F5: variants seen among roughly 807,000 people sequenced by gnomAD.
F5 encodes activated protein c cofactor.
In F5, 138 loss-of-function variants were observed where a neutral mutation model predicts 216.4. That is an observed-to-expected ratio of 0.64 (90% CI 0.56 to 0.73). The LOEUF (loss-of-function observed/expected upper bound fraction) is 0.73. F5 is among the 30% of genes least tolerant of loss of function. The probability of loss-of-function intolerance (pLI) is 0.00; values close to 1 mark genes in which losing one functional copy is unlikely to be tolerated. For synonymous variants in F5, 916 were observed against 930.7 expected, an observed-to-expected ratio of 0.98 and a Z score of 0.29; for missense variants, 2,403 against 2,674.0, an observed-to-expected ratio of 0.90 and a Z score of 2.24.
intron 2 of F5, 114 bp from the exon 3 acceptor site, chr1:169,572,457 T>G: frequency 7.8e-7 from 1 of 1,286,458 alleles, no homozygotes. Context: ...TTCCTCCTGG[T>G]CCTGAGGCTG....
At position 169,525,891 on chromosome 1, in the gene F5, C is replaced by T. The variant is rs535193296; in HGVS notation, c.5716+10G>A. 149 of 1,590,216 alleles carry T rather than the reference C, an allele frequency of 9.4e-5. No homozygotes were observed. Among genetic ancestry groups the T allele is most frequent in the Non-Finnish European group, 1.3e-4 (146 of 1,158,820 alleles). ...CTGCCAAACCAAATATCACATGGCTCTTGTGATACCTCTGTCCATGATAAG... is the reference window on the plus strand; with the variant it reads ...CTGCCAAACCAAATATCACATGGCTTTTGTGATACCTCTGTCCATGATAAG... On this transcript the variant is annotated intron_variant, in intron 18 of 24. Coordinates refer to ENST00000367797, the MANE Select transcript of F5 (RefSeq NM_000130.5).
At chr1:169,548,710 A>T (rs1660075501) in intron 10 of F5, among the ~76,000 whole-genome samples, 2 of 151,940 alleles carry the variant, frequency 1.3e-5, no homozygotes, top group Non-Finnish European at 2.9e-5. Flanking sequence ...TCTACTAAAA[A>T]ATACAAAAAT....
chr1:169,529,587 A>T, intron 16 of F5, 21 bp downstream of exon 16: 1 of 1,603,878 alleles, frequency 6.2e-7, no homozygotes, highest in Non-Finnish European at 8.5e-7. Flanking sequence ...AGGAGATTAG[A>T]TCAAAGTCTG....
At chr1:169,560,831 A>C in intron 3 of F5, 65 bp from the exon 4 acceptor site, 15 of 1,427,618 alleles carry the variant, frequency 1.1e-5, no homozygotes, top group Non-Finnish European at 1.4e-5. Context: ...CACCACTCTC[A>C]AATCTGGGGA....
intron 9 of F5, among the ~76,000 whole-genome samples, chr1:169,550,274 T>TCC (rs1235896638): frequency 3.0e-3 from 107 of 36,242 alleles, no homozygotes; most frequent in Middle Eastern, 0.022. Context: ...ATGCTATCCC[T>TCC]CCCCCCGCCC....
chr1:169,552,091 T>C (rs190643446), intron 8 of F5, among the ~76,000 whole-genome samples: 50 of 152,380 alleles, frequency 3.3e-4, no homozygotes, highest in Admixed American at 2.7e-3. Context: ...GGATGCCATC[T>C]ACTGTATCAC....
intron 14 of F5, among the ~76,000 whole-genome samples, 200 bp downstream of exon 14, chr1:169,536,306 T>C (rs1277703403): frequency 6.8e-6 from 1 of 146,906 alleles, no homozygotes; most frequent in East Asian, 2.0e-4. Flanking sequence ...TTTCAGCATT[T>C]AAAAAATGAG....
At chr1:169,562,045 A>G (rs1214169345) in intron 3 of F5, among the ~76,000 whole-genome samples, 2 of 151,266 alleles carry the variant, frequency 1.3e-5, no homozygotes, top group African/African-American at 4.9e-5. Context: ...TCATTGAGGT[A>G]TAATTTGCAT....
chr1:169,530,079 G>T (rs1659555849), intron 15 of F5, among the ~76,000 whole-genome samples: 1 of 152,084 alleles, frequency 6.6e-6, no homozygotes. Context: ...TATTTATTGA[G>T]AATCTATTAC....
intron 23 of F5, 189 bp from the exon 24 acceptor site, chr1:169,515,815 T>G (rs1659144590): frequency 1.6e-6 from 1 of 607,410 alleles, no homozygotes; most frequent in Admixed American, 2.9e-5. Context: ...AAATTTTTAT[T>G]GAAGTATTTC....
Position 169,512,031 on chromosome 1 carries a change from T to TATTATTGATCCCCAAACAA in F5, c.*2263_*2281dup, listed in dbSNP as rs1659037765. On this transcript the variant is annotated 3_prime_UTR_variant, in exon 25 of 25. Transcript: ENST00000367797. ...ACAGCATTAGATAATAGCCCAAACA[T>TATTATTGATCCCCAAACAA]ATTATTGATCCCCAAACAAGTATTT... 6.6e-6 allele frequency among the ~76,000 whole-genome samples: 1 copy of TATTATTGATCCCCAAACAA among 152,054 alleles called. No individual in the cohort carries two copies. The highest frequency in any genetic ancestry group is 1.5e-5 in the Non-Finnish European group (1 of 67,984).
chr1:169,557,445 A>T (rs1476081058), intron 5 of F5, among the ~76,000 whole-genome samples: 1 of 152,132 alleles, frequency 6.6e-6, no homozygotes, highest in Non-Finnish European at 1.5e-5. Context: ...TTACTTTTTG[A>T]TTGTTTTAAT....
rs764597258 is a variant in F5 at position 169,543,000 on chromosome 1, T to C, written c.2090A>G (p.Glu697Gly). ...DDDEDSYEIF[E>G]PPESTVMATR... ...AGCCATGACTGTAGATTCTGGAGGT[T>C]CAAAAATCTCATATGAGTCTTCATC... The change falls in exon 13 of 25, where the codon GAA becomes GGA. Residue 697 changes from glutamate (E) to glycine (G), a missense_variant. By Grantham distance (98) the Glu-to-Gly change is moderately conservative. Transcript: ENST00000367797. The C allele has an allele frequency of 1.9e-6, 3 of 1,614,082 alleles. No individual in the cohort carries two copies. The highest frequency in any genetic ancestry group is 2.5e-6 in the Non-Finnish European group (3 of 1,179,980).
chr1:169,526,013 T>C lies in F5; in HGVS notation c.5604A>G (p.Ser1868=). ...ATGCCTTCATTTCAAGAGTTTTAAA[T>C]GAACCTAAAATAAAAAGAACAACAT... ...QLGVWPLLPG[S]FKTLEMKASK... The change falls in exon 18 of 25, where the codon TCA becomes TCG. Residue 1868 remains serine (S), a synonymous_variant. Coordinates refer to ENST00000367797, the MANE Select transcript of F5 (RefSeq NM_000130.5). 1 of 1,607,104 alleles carries C rather than the reference T, an allele frequency of 6.2e-7. No individual in the cohort carries two copies. The highest frequency in any genetic ancestry group is 8.5e-7 in the Non-Finnish European group (1 of 1,174,104).
intron 2 of F5, among the ~76,000 whole-genome samples, chr1:169,574,777 C>T (rs1459059052): frequency 6.6e-6 from 1 of 152,166 alleles, no homozygotes; most frequent in Non-Finnish European, 1.5e-5. Flanking sequence ...ATATGTCTGT[C>T]TCTAGATCGT....
intron 3 of F5, among the ~76,000 whole-genome samples, chr1:169,564,948 GACC>G: frequency 6.6e-6 from 1 of 152,106 alleles, no homozygotes; most frequent in East Asian, 1.9e-4. Flanking sequence ...CCTTAACGTG[GACC>G]ACAAGTCCAT....
At chr1:169,579,425 T>G (rs957178752) in intron 2 of F5, among the ~76,000 whole-genome samples, 7 of 152,172 alleles carry the variant, frequency 4.6e-5, no homozygotes, top group Non-Finnish European at 7.4e-5. Context: ...AATTCTTCAT[T>G]TGCCATCTTT....
rs560800664 is a variant in F5, at chr1:169,518,686, A to C, written c.6194-123T>G. 517 of 1,074,906 alleles carry C rather than the reference A, an allele frequency of 4.8e-4. 8 individuals are homozygous for C. In the South Asian group the frequency reaches 6.7e-3, roughly 14 times the overall value. The allele number at this position is 1,074,906 out of a possible 1,614,324, so 66.6% of individuals were successfully genotyped here. On this transcript the variant is annotated intron_variant, in intron 22 of 24. Coordinates refer to ENST00000367797, the MANE Select transcript of F5 (RefSeq NM_000130.5). Reference sequence around the variant, plus strand: ...AATGACAAAAACAATAACCACAACAATGAAGATTTATTGAATCCAAGTGCC... The same window carrying C: ...AATGACAAAAACAATAACCACAACACTGAAGATTTATTGAATCCAAGTGCC...
At position 169,542,422 on chromosome 1, in the gene F5, C is replaced by A. The variant is rs146917786; in HGVS notation, c.2668G>T (p.Val890Phe). Residue 890 changes from valine (V) to phenylalanine (F), a missense_variant, in exon 13 of 25, where the codon GTT becomes TTT. Physicochemically the swap from Val to Phe is conservative, Grantham distance 50. Transcript: ENST00000367797. ...GTGTCTTGGCTTAGGTGTCTCCCAA[C>A]TTTATGTGCTAGTAATTTCATCCAG... ...FSWMKLLAHK[V>F]GRHLSQDTGS... 5 of 1,614,134 alleles carry A rather than the reference C, an allele frequency of 3.1e-6. No homozygotes were observed. The highest frequency in any genetic ancestry group is 1.7e-4 in the Middle Eastern group (1 of 6,060).
Sources: gnomAD v4.1 joint callset for allele counts (sites outside exome capture counted in the v4.1 genomes callset) on GRCh38, gnomAD v4.1.1 for gene constraint, MANE v1.5 for transcripts, NCBI Gene and HGNC (gene_info 2026-07-23, HGNC 2026-07-21) for gene names.